Variants in RSRC1 observed in about 807,000 individuals in gnomAD.
RSRC1 encodes serine/Arginine-related protein 53.
RSRC1 carries 39 observed loss-of-function variants against 49.1 expected under a neutral mutation model. That is an observed-to-expected ratio of 0.79 (90% CI 0.61 to 1.04). RSRC1 has a LOEUF of 1.04. Ranked by LOEUF, RSRC1 falls within the 50% of genes least tolerant of loss-of-function variation. The pLI, the probability that RSRC1 is intolerant of heterozygous loss-of-function variation, is 0.00. For missense variants in RSRC1, 388 were observed against 402.4 expected (o/e 0.96, Z 0.31); for synonymous variants, 143 against 130.8 (o/e 1.09, Z -0.63).
intron 5 of RSRC1, among the ~76,000 whole-genome samples, chr3:158,352,407 T>G (rs1730927162): frequency 6.6e-6 from 1 of 152,198 alleles, no homozygotes; most frequent in South Asian, 2.1e-4. Context: ...AATATTGCTA[T>G]TAATATTTTA....
At chr3:158,228,582 T>C (rs1156539106) in intron 4 of RSRC1, among the ~76,000 whole-genome samples, 2 of 151,930 alleles carry the variant, frequency 1.3e-5, no homozygotes, top group Non-Finnish European at 2.9e-5. Flanking sequence ...ATTGATAAAA[T>C]TCCTTAAAAA....
chr3:158,271,181 A>G (rs115601499), intron 4 of RSRC1, among the ~76,000 whole-genome samples: 2,038 of 152,224 alleles, frequency 0.013, 25 homozygotes, highest in Non-Finnish European at 0.02. Flanking sequence ...TCCTTCATAG[A>G]CATTTGTACT....
chr3:158,448,235 C>G (rs1007908490), intron 6 of RSRC1, among the ~76,000 whole-genome samples: 1 of 149,890 alleles, frequency 6.7e-6, no homozygotes, highest in East Asian at 1.9e-4. Flanking sequence ...AAAGAAAAAA[C>G]AATCCAGTAG....
rs1721694675 is a variant in RSRC1 at position 158,211,818 on chromosome 3, T to A, written c.494+8573T>A. Among the ~76,000 whole-genome samples, 3 of 85,650 alleles carry A rather than the reference T, an allele frequency of 3.5e-5. No homozygotes were observed. In the East Asian group the frequency reaches 2.0e-3, roughly 58 times the overall value. The allele number at this position is 85,650 out of a possible 152,430, so 56.2% of individuals were successfully genotyped here. On this transcript the variant is annotated intron_variant, in intron 4 of 9. Transcript: ENST00000611884. ...TACTATGTAGTAGCAGCTCAATAAA[T>A]GGTCATCATTTTATTTTTTATTGAT...
At chr3:158,277,267 A>G (rs1201103077) in intron 4 of RSRC1, among the ~76,000 whole-genome samples, 1 of 152,210 alleles carries the variant, frequency 6.6e-6, no homozygotes, top group Non-Finnish European at 1.5e-5. Flanking sequence ...TTGATTACAA[A>G]CATTTATCTT....
chr3:158,391,174 C>G (rs1004708196), intron 6 of RSRC1, among the ~76,000 whole-genome samples: 2 of 152,152 alleles, frequency 1.3e-5, no homozygotes, highest in Admixed American at 1.3e-4. Context: ...CACCCCCACC[C>G]TGGGGTTCTA....
At chr3:158,418,236 A>G (rs1056179228) in intron 6 of RSRC1, among the ~76,000 whole-genome samples, 1 of 151,996 alleles carries the variant, frequency 6.6e-6, no homozygotes, top group African/African-American at 2.4e-5. Flanking sequence ...ATTGTCCATC[A>G]ATAAAAGCCA....
intron 6 of RSRC1, among the ~76,000 whole-genome samples, chr3:158,435,605 TAA>T (rs1736000583): frequency 6.6e-6 from 1 of 151,572 alleles, no homozygotes; most frequent in Non-Finnish European, 1.5e-5. Flanking sequence ...GCTATAAAGA[TAA>T]AGATATATAA....
At chr3:158,203,567 C>T (rs1721191700) in intron 4 of RSRC1, among the ~76,000 whole-genome samples, 1 of 152,106 alleles carries the variant, frequency 6.6e-6, no homozygotes, top group Admixed American at 6.6e-5. Flanking sequence ...GTTTCATACT[C>T]TGTTTCCTTT....
intron 6 of RSRC1, among the ~76,000 whole-genome samples, chr3:158,365,068 G>T (rs954782068): frequency 6.6e-6 from 1 of 152,016 alleles, no homozygotes; most frequent in Non-Finnish European, 1.5e-5. Context: ...TAAAGAAGTT[G>T]AGCCACATGT....
chr3:158,174,007 C>T (rs928268117), intron 3 of RSRC1, among the ~76,000 whole-genome samples: 1 of 151,682 alleles, frequency 6.6e-6, no homozygotes, highest in Non-Finnish European at 1.5e-5. Context: ...GAAGAAAATG[C>T]TCGCAAGTTG....
At chr3:158,511,227 G>C (rs1364790189) in intron 7 of RSRC1, among the ~76,000 whole-genome samples, 4 of 151,932 alleles carry the variant, frequency 2.6e-5, no homozygotes, top group African/African-American at 9.7e-5. Context: ...TCTAGCATTA[G>C]GTATATCTCC....
chr3:158,297,634 G>C (rs1400930750), intron 4 of RSRC1, among the ~76,000 whole-genome samples: 1 of 151,882 alleles, frequency 6.6e-6, no homozygotes, highest in Non-Finnish European at 1.5e-5. Context: ...ATAATAAGAT[G>C]TGAGTTATAG....
intron 6 of RSRC1, among the ~76,000 whole-genome samples, chr3:158,453,223 A>C (rs1388395274): frequency 1.3e-5 from 2 of 151,186 alleles, no homozygotes; most frequent in African/African-American, 2.5e-5. Context: ...ACACATTTTC[A>C]AACTCTTGTG....
In RSRC1 at chr3:158,340,891, A is replaced by G. The variant is rs181220889; in HGVS notation, c.532-13966A>G. 3.3e-5 allele frequency among the ~76,000 whole-genome samples: 5 copies of G among 152,342 alleles called. No homozygotes were observed. The East Asian group carries it at 9.7e-4, about 29-fold the overall frequency. ...CAAAATGCTGATAGCGATACGGACA[A>G]TACAATCCAGGCTGAGGTGGTCACA... On this transcript the variant is annotated intron_variant, in intron 5 of 9. Transcript: ENST00000611884.
intron 3 of RSRC1, among the ~76,000 whole-genome samples, chr3:158,153,353 G>C (rs1717670248): frequency 6.6e-6 from 1 of 151,986 alleles, no homozygotes; most frequent in African/African-American, 2.4e-5. Flanking sequence ...CCTATTTATT[G>C]GTTATTTTCT....
intron 7 of RSRC1, among the ~76,000 whole-genome samples, chr3:158,463,554 A>G (rs1258118785): frequency 6.6e-6 from 1 of 152,088 alleles, no homozygotes; most frequent in Non-Finnish European, 1.5e-5. Flanking sequence ...CATCATGCTG[A>G]TGTGCAATAC....
intron 3 of RSRC1, among the ~76,000 whole-genome samples, chr3:158,169,061 G>A (rs1430318588): frequency 6.6e-6 from 1 of 151,990 alleles, no homozygotes; most frequent in Non-Finnish European, 1.5e-5. Flanking sequence ...ATAGAAACCA[G>A]CCCTTTGGAA....
In RSRC1 at chr3:158,110,205, C is replaced by T. The variant is rs1000298389; in HGVS notation, c.-21C>T. 1 of 152,176 alleles carries T rather than the reference C, an allele frequency of 6.6e-6. No individual in the cohort carries two copies. The highest frequency in any genetic ancestry group is 2.4e-5 in the African/African-American group (1 of 41,476). The allele number at this position is 152,176 out of a possible 1,614,324, so 9.4% of individuals were successfully genotyped here. ...CTTGCACGTCAACGGGAGGTGTGAG[C>T]CCAAAGGTCTGGACCCAGGTGATGC... is the stretch of plus-strand genomic sequence containing the variant. On this transcript the variant is annotated 5_prime_UTR_variant, in exon 1 of 10. Transcript: ENST00000611884.
Sources: allele counts gnomAD v4.1 joint callset (sites outside exome capture counted in the v4.1 genomes callset), GRCh38; gene constraint gnomAD v4.1.1; transcripts MANE v1.5; gene names NCBI Gene and HGNC (gene_info 2026-07-23, HGNC 2026-07-21).